Variants in LARGE1 observed in about 807,000 individuals in gnomAD.
LARGE1 encodes LARGE xylosyl- and glucuronyltransferase 1.
LARGE1 carries 43 observed loss-of-function variants against 87.6 expected under a neutral mutation model. That is an observed-to-expected ratio of 0.49 (90% CI 0.38 to 0.63). The LOEUF is 0.63. Ranked by LOEUF, LARGE1 falls within the 30% of genes least tolerant of loss-of-function variation. The pLI is 0.00. For synonymous variants in LARGE1, 434 were observed against 394.6 expected (o/e 1.10, Z -1.18); for missense variants, 802 against 1,000.2 (o/e 0.80, Z 2.67).
intron 2 of LARGE1, among the ~76,000 whole-genome samples, chr22:33,752,760 G>C (rs1184442797): frequency 1.3e-5 from 2 of 152,234 alleles, no homozygotes; most frequent in Non-Finnish European, 2.9e-5. Flanking sequence ...CTGTGGGAAA[G>C]TGGTATGGAA....
At chr22:33,895,342 G>A (rs2065111615) in intron 1 of LARGE1, among the ~76,000 whole-genome samples, 1 of 152,206 alleles carries the variant, frequency 6.6e-6, no homozygotes, top group South Asian at 2.1e-4. Context: ...CAGGTCTCCT[G>A]GGAGGCTACA....
intron 10 of LARGE1, among the ~76,000 whole-genome samples, chr22:33,335,792 C>G (rs1319828000): frequency 6.6e-6 from 1 of 152,190 alleles, no homozygotes; most frequent in Non-Finnish European, 1.5e-5. Flanking sequence ...CTGGGAGGCT[C>G]ATTCATGTCA....
chr22:33,828,750 A>C (rs1327960313), intron 1 of LARGE1, among the ~76,000 whole-genome samples: 1 of 152,234 alleles, frequency 6.6e-6, no homozygotes, highest in Non-Finnish European at 1.5e-5. Flanking sequence ...GAATGCATGC[A>C]TAAACGGATG....
chr22:33,534,345 A>T (rs554155776), intron 6 of LARGE1, among the ~76,000 whole-genome samples: 48 of 152,118 alleles, frequency 3.2e-4, no homozygotes, highest in Non-Finnish European at 6.2e-4. Context: ...CGGAGCTTGC[A>T]GTGAGCGGAG....
At chr22:33,219,404 C>T (rs543618003) in intron 11 of LARGE1, among the ~76,000 whole-genome samples, 1 of 152,186 alleles carries the variant, frequency 6.6e-6, no homozygotes, top group African/African-American at 2.4e-5. Flanking sequence ...AAATTAAAAT[C>T]TTTGGTATTT....
chr22:33,162,131 T>C (rs1333211832), downstream of LARGE1: 1 of 152,306 alleles, frequency 6.6e-6, no homozygotes. Context: ...CAGGTATCTT[T>C]ACAGTAGCAC....
intron 11 of LARGE1, among the ~76,000 whole-genome samples, chr22:33,253,345 C>T (rs542999897): frequency 6.6e-6 from 1 of 152,264 alleles, no homozygotes; most frequent in Non-Finnish European, 1.5e-5. Context: ...TAAAGAGTAG[C>T]ACTATGTGTC....
At chr22:33,198,496 C>T (rs755851064) in intron 11 of LARGE1, among the ~76,000 whole-genome samples, 2 of 152,004 alleles carry the variant, frequency 1.3e-5, no homozygotes, top group African/African-American at 2.4e-5. Flanking sequence ...GTGGTGAAGT[C>T]TGGGCTGTTA....
At chr22:33,200,650 T>C (rs924499302) in intron 11 of LARGE1, among the ~76,000 whole-genome samples, 2 of 152,248 alleles carry the variant, frequency 1.3e-5, no homozygotes, top group Admixed American at 6.5e-5. Context: ...AACCTGGATA[T>C]ATCCTACAAC....
chr22:33,130,313 C>CAAAAAAAAAAAAAAAAAAAAAAAA, the LARGE1 span, among the ~76,000 whole-genome samples: 10 of 57,004 alleles, frequency 1.8e-4, no homozygotes, highest in East Asian at 6.7e-4. Context: ...GATTCCGTCT[C>CAAAAAAAAAAAAAAAAAAAAAAAA]AAAAAAAAAA....
At chr22:33,121,140 G>C in the LARGE1 span, among the ~76,000 whole-genome samples, 5 of 152,210 alleles carry the variant, frequency 3.3e-5, no homozygotes, top group Admixed American at 2.6e-4. Flanking sequence ...GTTGGGGGAA[G>C]GATAATGACA....
chr22:33,713,715 G>A (rs557416075), intron 2 of LARGE1, among the ~76,000 whole-genome samples: 1 of 152,004 alleles, frequency 6.6e-6, no homozygotes, highest in Non-Finnish European at 1.5e-5. Flanking sequence ...ACAGCACCTT[G>A]GGTGTCCAAG....
intron 6 of LARGE1, among the ~76,000 whole-genome samples, chr22:33,442,722 T>G (rs765654079): frequency 2.6e-5 from 4 of 152,028 alleles, no homozygotes; most frequent in Non-Finnish European, 5.9e-5. Flanking sequence ...AGCTGCCCTA[T>G]GAGCAGAGTC....
chr22:33,579,200 G>A lies in LARGE1; in HGVS notation c.616-14181C>T, dbSNP rs1354046927. ...TGAATCATGGGGGCAAGTCTTTCCC[G>A]TGCTGTTCTTGTGACAGTGAGTAAG... On this transcript the variant is annotated intron_variant, in intron 5 of 14. Transcript: ENST00000397394. 3.9e-5 allele frequency among the ~76,000 whole-genome samples: 6 copies of A among 152,122 alleles called. 1 individual carries two copies. In the South Asian group the frequency reaches 6.2e-4, roughly 16 times the overall value.
intron 5 of LARGE1, among the ~76,000 whole-genome samples, chr22:33,565,732 A>G (rs1404589477): frequency 6.6e-6 from 1 of 152,260 alleles, no homozygotes; most frequent in East Asian, 1.9e-4. Flanking sequence ...ACACACACAT[A>G]GGACAGAAAT....
chr22:33,466,715 T>TACAC (rs756026497), intron 6 of LARGE1, among the ~76,000 whole-genome samples: 2 of 146,184 alleles, frequency 1.4e-5, no homozygotes, highest in Admixed American at 6.8e-5. Context: ...CACACACACA[T>TACAC]ACACACACAC....
At chr22:33,801,790 G>A (rs1163477071) in intron 1 of LARGE1, among the ~76,000 whole-genome samples, 2 of 152,036 alleles carry the variant, frequency 1.3e-5, no homozygotes, top group Non-Finnish European at 2.9e-5. Context: ...GAGGTACCTG[G>A]ACAAATTACC....
rs73882344 is a variant in LARGE1 at position 33,901,956 on chromosome 22, T to C, written c.-83+18039A>G. On this transcript the variant is annotated intron_variant, in intron 1 of 14. Coordinates refer to ENST00000397394, the MANE Select transcript of LARGE1 (RefSeq NM_133642.5). ...TCCCCACATCTTTTTGGCTGTGATGTTTCATTCTAAACAGAGACAGACCAG... is the reference window on the plus strand; with the variant it reads ...TCCCCACATCTTTTTGGCTGTGATGCTTCATTCTAAACAGAGACAGACCAG... Among the ~76,000 whole-genome samples, 762 of 152,330 alleles carry C rather than the reference T, an allele frequency of 5.0e-3. 7 individuals are homozygous for C. Among genetic ancestry groups the C allele is most frequent in the African/African-American group, 0.017 (726 of 41,578 alleles).
chr22:33,229,542 G>T (rs1032928816), intron 11 of LARGE1, among the ~76,000 whole-genome samples: 12 of 151,982 alleles, frequency 7.9e-5, no homozygotes, highest in African/African-American at 2.9e-4. Context: ...AGATACAGCC[G>T]AAAAGAGACT....
Sources: allele counts gnomAD v4.1 joint callset (sites outside exome capture counted in the v4.1 genomes callset), GRCh38; gene constraint gnomAD v4.1.1; transcripts MANE v1.5; gene names NCBI Gene and HGNC (gene_info 2026-07-23, HGNC 2026-07-21).